KIFC1: variants seen among roughly 807,000 people sequenced by gnomAD.
The protein encoded by KIFC1 is kinesin-like protein KIFC1.
A neutral mutation model predicts 66.6 loss-of-function variants in KIFC1; 37 were observed. The observed-to-expected ratio is 0.56, with a 90% CI of 0.43 to 0.73. The LOEUF is 0.73. KIFC1 is among the 30% of genes least tolerant of loss of function. KIFC1 has a pLI of 0.00. For missense variants in KIFC1, 721 were observed against 859.8 expected (o/e 0.84, Z 2.02); for synonymous variants, 325 against 343.5 (o/e 0.95, Z 0.60).
At position 33,404,162 on chromosome 6, in the gene KIFC1, C is replaced by T. The variant is rs775044860; in HGVS notation, c.756+33C>T. 5.7e-6 allele frequency: 9 copies of T among 1,575,222 alleles called. No homozygotes were observed. Among genetic ancestry groups the T allele is most frequent in the East Asian group, 2.2e-5 (1 of 44,630 alleles). On this transcript the variant is annotated intron_variant, in intron 6 of 10. Coordinates refer to ENST00000428849, the MANE Select transcript of KIFC1 (RefSeq NM_002263.4). The surrounding 1 kb of genome is among the most constrained non-coding windows in gnomAD (Gnocchi z 4.0). Reference sequence around the variant, plus strand: ...CCAGATTTTCACCAGATGTCAGCCCCGCTTTCCTGGCAGAGGTCATGCCTC... The same window carrying T: ...CCAGATTTTCACCAGATGTCAGCCCTGCTTTCCTGGCAGAGGTCATGCCTC...
At chr6:33,398,201 G>C (rs181303555) in intron 2 of KIFC1, 35 bp downstream of exon 2, 1 of 1,613,706 alleles carries the variant, frequency 6.2e-7, no homozygotes, top group Non-Finnish European at 8.5e-7. Flanking sequence ...CATGTGTGTG[G>C]GGGGTGTGTG....
chr6:33,408,592 A>C (rs1775757940), intron 10 of KIFC1, among the ~76,000 whole-genome samples: 1 of 152,244 alleles, frequency 6.6e-6, no homozygotes, highest in Non-Finnish European at 1.5e-5. Flanking sequence ...TCTGAAATTC[A>C]ATTCATACAG....
At position 33,404,483 on chromosome 6, in the gene KIFC1, G is replaced by A. The variant is rs1446338651; in HGVS notation, c.756+354G>A. Among the ~76,000 whole-genome samples the A allele has an allele frequency of 6.6e-6, 1 of 152,010 alleles. No individual in the cohort carries two copies. Among genetic ancestry groups the A allele is most frequent in the Non-Finnish European group, 1.5e-5 (1 of 68,010 alleles). ...TGTCCACTTGACTCCTTCCTGGTGA[G>A]CACCAACTAGATTAAGTTATTTGCA... On this transcript the variant is annotated intron_variant, in intron 6 of 10. Coordinates refer to ENST00000428849, the MANE Select transcript of KIFC1 (RefSeq NM_002263.4). The surrounding 1 kb of genome is among the most constrained non-coding windows in gnomAD (Gnocchi z 4.0).
chr6:33,407,822 T>C (rs899280943), intron 10 of KIFC1, among the ~76,000 whole-genome samples: 1 of 152,238 alleles, frequency 6.6e-6, no homozygotes, highest in African/African-American at 2.4e-5. Flanking sequence ...AAAGTTTCCT[T>C]ACTGTCTGCC....
chr6:33,397,763 T>TC (rs1301666903), intron 1 of KIFC1, among the ~76,000 whole-genome samples: 1 of 152,226 alleles, frequency 6.6e-6, no homozygotes, highest in Non-Finnish European at 1.5e-5. Flanking sequence ...ATTTTTGCCT[T>TC]CCAGGAAGAG....
Position 33,406,624 on chromosome 6 carries a change from G to A in KIFC1, c.1860G>A (p.Leu620=). 1 of 1,614,116 alleles carries A rather than the reference G, an allele frequency of 6.2e-7. No individual in the cohort carries two copies. Among genetic ancestry groups the A allele is most frequent in the Non-Finnish European group, 8.5e-7 (1 of 1,180,012 alleles). ...ACGTGCCTTACCGGAACAGCAAACT[G>A]ACCTACCTGCTGCAGAACTCTCTGG... is the stretch of plus-strand genomic sequence containing the variant. ...ESHVPYRNSK[L]TYLLQNSLGG... Residue 620 remains leucine, a synonymous_variant, in exon 9 of 11, where the codon CTG becomes CTA. Coordinates refer to ENST00000428849, the MANE Select transcript of KIFC1 (RefSeq NM_002263.4). The surrounding 1 kb of genome is among the most constrained non-coding windows in gnomAD (Gnocchi z 4.5).
chr6:33,394,852 T>C (rs1222297140), intron 1 of KIFC1, among the ~76,000 whole-genome samples: 2 of 152,192 alleles, frequency 1.3e-5, no homozygotes, highest in Admixed American at 6.5e-5. Flanking sequence ...CATATAAATT[T>C]GGAAACTGTC....
At position 33,406,418 on chromosome 6, in the gene KIFC1, C is replaced by T. The variant is rs112635529; in HGVS notation, c.1759C>T (p.Arg587Trp). The T allele has an allele frequency of 2.2e-5, 36 of 1,606,976 alleles. No homozygotes were observed. The highest frequency in any genetic ancestry group is 4.5e-5 in the East Asian group (2 of 44,768). Residue 587 changes from arginine (R) to tryptophan (W), a missense_variant, in exon 8 of 11, where the codon CGG becomes TGG. Transcript: ENST00000428849. This position sits in a 1 kb window ranked among gnomAD's most constrained non-coding sequence, Gnocchi z 4.5. ...ALGPGERERL[R>W]ETQAINSSLS... The stretch of plus-strand genomic sequence containing the variant: ...CGGCCCCGGGGAGCGGGAACGCCTT[C>T]GGGAAACACAGGCCATTAACAGCAG...
chr6:33,405,640 C>G lies in KIFC1; in HGVS notation c.1536+9C>G. On this transcript the variant is annotated intron_variant, in intron 7 of 10. Coordinates refer to ENST00000428849, the MANE Select transcript of KIFC1 (RefSeq NM_002263.4). The surrounding 1 kb of genome is among the most constrained non-coding windows in gnomAD (Gnocchi z 5.4). ...TCTCCTGTGAGAAAGAAGTGAGGAC[C>G]CATGGGCACTGGAACTGGGAAATGG... 1 of 1,494,856 alleles carries G rather than the reference C, an allele frequency of 6.7e-7. No individual in the cohort carries two copies. Among genetic ancestry groups the G allele is most frequent in the East Asian group, 2.3e-5 (1 of 43,646 alleles). 92.6% of individuals were successfully genotyped at this position (1,494,856 alleles called of 1,614,324 possible). A position where few individuals can be genotyped will look rare whatever the true frequency, so the allele number is the denominator to read the frequency against.
chr6:33,402,660 G>C (rs1775433506), intron 3 of KIFC1, among the ~76,000 whole-genome samples: 1 of 151,842 alleles, frequency 6.6e-6, no homozygotes, highest in East Asian at 1.9e-4. Context: ...AACCCTGGAG[G>C]TGGAGGTTGT....
chr6:33,400,211 T>A lies in KIFC1; in HGVS notation c.250+1824T>A. ...TCTCTGGCTAAGGATCGGTGCCGCATCTGTCGAGCAATGTTGACGATCTCA... is the reference window on the plus strand; with the variant it reads ...TCTCTGGCTAAGGATCGGTGCCGCAACTGTCGAGCAATGTTGACGATCTCA... On this transcript the variant is annotated intron_variant, in intron 3 of 10. Coordinates refer to ENST00000428849, the MANE Select transcript of KIFC1 (RefSeq NM_002263.4). This position sits in a 1 kb window ranked among gnomAD's most constrained non-coding sequence, Gnocchi z 4.3. The A allele has an allele frequency of 6.4e-7, 1 of 1,559,174 alleles. No homozygotes were observed. Among genetic ancestry groups the A allele is most frequent in the Non-Finnish European group, 8.7e-7 (1 of 1,145,740 alleles).
rs1325721163 is a variant in KIFC1 at position 33,404,057 on chromosome 6, A to G, written c.684A>G (p.Gln228=). The G allele has an allele frequency of 3.7e-6, 6 of 1,614,060 alleles. No homozygotes were observed. The East Asian group carries it at 1.3e-4, about 36-fold the overall frequency. The change falls in exon 6 of 11, where the codon CAA becomes CAG. Residue 228 remains glutamine, a synonymous_variant. Coordinates refer to ENST00000428849, the MANE Select transcript of KIFC1 (RefSeq NM_002263.4). The surrounding 1 kb of genome is among the most constrained non-coding windows in gnomAD (Gnocchi z 4.0). ...TGAGCACGCAGGAGGGCTTGGTGCA[A>G]GAGCTTCAGAAAAAACAGGTGGAAT... ...ERLSTQEGLV[Q]ELQKKQVELQ...
In KIFC1 at chr6:33,405,480, T is replaced by C. The variant is rs372177506; in HGVS notation, c.1385T>C (p.Val462Ala). The change falls in exon 7 of 11, where the codon GTA (valine) becomes GCA (alanine). Residue 462 changes from valine to alanine, a missense_variant. Physicochemically the swap from Val to Ala is moderately conservative, Grantham distance 64 (BLOSUM62 0). Transcript: ENST00000428849. This position sits in a 1 kb window ranked among gnomAD's most constrained non-coding sequence, Gnocchi z 5.4. Reference sequence around the variant, plus strand: ...ACCTACAGCTTTGTAGCAAGCTACGTAGAGATCTACAATGAGACTGTCCGG... The same window carrying C: ...ACCTACAGCTTTGTAGCAAGCTACGCAGAGATCTACAATGAGACTGTCCGG... ...GWTYSFVASY[V>A]EIYNETVRDL... 34 of 1,611,746 alleles carry C rather than the reference T, an allele frequency of 2.1e-5. No homozygotes were observed. Among genetic ancestry groups the C allele is most frequent in the Non-Finnish European group, 2.9e-5 (34 of 1,178,914 alleles).
Position 33,405,177 on chromosome 6 carries a change from G to A in KIFC1, c.1082G>A (p.Ser361Asn), listed in dbSNP as rs1775580610. 2 of 1,614,012 alleles carry A rather than the reference G, an allele frequency of 1.2e-6. No homozygotes were observed. Among genetic ancestry groups the A allele is most frequent in the Admixed American group, 1.7e-5 (1 of 60,008 alleles). The change falls in exon 7 of 11, where the codon AGT becomes AAT. Residue 361 changes from serine (S) to asparagine (N), a missense_variant. Coordinates refer to ENST00000428849, the MANE Select transcript of KIFC1 (RefSeq NM_002263.4). This position sits in a 1 kb window ranked among gnomAD's most constrained non-coding sequence, Gnocchi z 5.4. ...SRSDERRGTLSGAPAPPTRHD... is the reference protein window; with the variant it reads ...SRSDERRGTLNGAPAPPTRHD... ...TCTGACGAGCGGCGTGGGACCCTGA[G>A]TGGGGCACCAGCTCCCCCAACTCGC...
intron 1 of KIFC1, among the ~76,000 whole-genome samples, chr6:33,393,769 A>G (rs982947686): frequency 3.3e-5 from 4 of 122,848 alleles, no homozygotes; most frequent in Non-Finnish European, 4.9e-5. Flanking sequence ...TTTTTTTGAG[A>G]AGTAGTCACG....
At chr6:33,408,885 C>A (rs1775770302) in intron 10 of KIFC1, among the ~76,000 whole-genome samples, 1 of 150,930 alleles carries the variant, frequency 6.6e-6, no homozygotes, top group African/African-American at 2.4e-5. Context: ...CCAATAGGAA[C>A]CTCCTGGCCG....
chr6:33,397,015 A>C (rs1361446998), intron 1 of KIFC1, among the ~76,000 whole-genome samples: 1 of 91,918 alleles, frequency 1.1e-5, no homozygotes, highest in East Asian at 3.4e-4. Context: ...TTTGAGACGT[A>C]GTCTCGCTCT....
chr6:33,406,801 C>A lies in KIFC1; in HGVS notation c.1903C>A (p.Leu635Ile), dbSNP rs1208911405. 6.2e-7 allele frequency: 1 copy of A among 1,614,106 alleles called. No homozygotes were observed. The highest frequency in any genetic ancestry group is 1.7e-5 in the Admixed American group (1 of 60,004). ...GTTGGGCACATTGTCTTTTCATAGGCTCATGTTTGTGAACATTTCTCCACT... is the reference window on the plus strand; with the variant it reads ...GTTGGGCACATTGTCTTTTCATAGGATCATGTTTGTGAACATTTCTCCACT... ...QNSLGGSAKM[L>I]MFVNISPLEE... is the part of the protein sequence containing the mutation. The change falls in exon 10 of 11, where the codon CTC becomes ATC. Residue 635 changes from leucine (L) to isoleucine (I), a missense_variant and splice_region_variant. Transcript: ENST00000428849. The surrounding 1 kb of genome is among the most constrained non-coding windows in gnomAD (Gnocchi z 4.5).
Position 33,409,848 on chromosome 6 carries a change from AAT to A in KIFC1, c.*160_*161del. 2.8e-6 allele frequency: 2 copies of A among 704,338 alleles called. No homozygotes were observed. The highest frequency in any genetic ancestry group is 4.6e-6 in the Non-Finnish European group (2 of 433,318). 43.6% of individuals were successfully genotyped at this position (704,338 alleles called of 1,614,324 possible). ...CATGTCCCAGGGCTATCAAATAAAG[AAT>A]AGTTTGGTTTTTTTTTTAAATAAAG... On this transcript the variant is annotated 3_prime_UTR_variant, in exon 11 of 11. Coordinates refer to ENST00000428849, the MANE Select transcript of KIFC1 (RefSeq NM_002263.4).
Sources: gnomAD v4.1 joint callset for allele counts (sites outside exome capture counted in the v4.1 genomes callset) on GRCh38, gnomAD v4.1.1 for gene constraint, Gnocchi (gnomAD v3.1) non-coding constraint, MANE v1.5 for transcripts, NCBI Gene and HGNC (gene_info 2026-07-23, HGNC 2026-07-21) for gene names.